TTC6: variants seen among roughly 807,000 people sequenced by gnomAD.
TTC6 encodes the protein tetratricopeptide repeat protein 6.
Under a neutral mutation model 210.4 loss-of-function variants are expected in TTC6, and 172 were observed. The observed-to-expected ratio is 0.82, with a 90% confidence interval of 0.72 to 0.93. TTC6 has a LOEUF of 0.93. TTC6 is among the 40% of genes least tolerant of loss of function. The pLI, the probability that TTC6 is intolerant of heterozygous loss-of-function variation, is 0.00. For synonymous variants in TTC6, 804 were observed against 819.6 expected (o/e 0.98, Z 0.32); for missense variants, 2,414 against 2,318.1 (o/e 1.04, Z -0.85).
At chr14:37,735,995 C>A in exon 8 of TTC6, 1 of 1,528,970 alleles carries the variant, frequency 6.5e-7, no homozygotes, top group Non-Finnish European at 8.8e-7. Context: ...ATCAACATAG[C>A]AGAACAAATT....
intron 7 of TTC6, among the ~76,000 whole-genome samples, chr14:37,730,622 A>G (rs1157087371): frequency 6.6e-6 from 1 of 151,916 alleles, no homozygotes; most frequent in African/African-American, 2.4e-5. Flanking sequence ...TTTCCTTATT[A>G]TATTTTTGAC....
At chr14:37,694,424 A>G (rs866928095) in intron 3 of TTC6, among the ~76,000 whole-genome samples, 1 of 152,212 alleles carries the variant, frequency 6.6e-6, no homozygotes, top group African/African-American at 2.4e-5. Flanking sequence ...ACAGGCAATA[A>G]CAAATGCTGG....
exon 3 of TTC6, chr14:37,682,775 T>C: frequency 6.5e-7 from 1 of 1,535,586 alleles, no homozygotes; most frequent in Non-Finnish European, 8.7e-7. Context: ...ATAAGGAACT[T>C]TCTGAAACCA....
Position 37,652,491 on chromosome 14 carries a change from A to G in TTC6, c.940-27660A>G, listed in dbSNP as rs576010906. Among the ~76,000 whole-genome samples, 3 of 152,290 alleles carry G rather than the reference A, an allele frequency of 2.0e-5. No homozygotes were observed. In the East Asian group the frequency reaches 5.8e-4, roughly 29 times the overall value. ...TTTAATTTTTGTTGTTGCTGTTATT[A>G]TTTTAGTGCTTTATTTTTGTTATAT... is the stretch of plus-strand genomic sequence containing the variant. On this transcript the variant is annotated intron_variant, in intron 1 of 30. Transcript: ENST00000553443.
chr14:37,786,724 G>A (rs563265880), intron 14 of TTC6, among the ~76,000 whole-genome samples: 7 of 152,344 alleles, frequency 4.6e-5, no homozygotes, highest in African/African-American at 1.7e-4. Flanking sequence ...CGCTCACGCG[G>A]GGAGCTGTAG....
intron 3 of TTC6, among the ~76,000 whole-genome samples, chr14:37,692,451 G>C (rs1395626228): frequency 6.6e-6 from 1 of 151,888 alleles, no homozygotes; most frequent in Admixed American, 6.6e-5. Flanking sequence ...AAAACCTTAT[G>C]ATCATTTCAA....
intron 3 of TTC6, among the ~76,000 whole-genome samples, chr14:37,689,074 A>G (rs547775053): frequency 3.3e-5 from 5 of 152,156 alleles, no homozygotes; most frequent in Non-Finnish European, 7.4e-5. Context: ...GATAACACAG[A>G]GAATCAATTC....
chr14:37,802,913 A>G (rs144030822), intron 20 of TTC6, among the ~76,000 whole-genome samples: 2,137 of 151,926 alleles, frequency 0.014, 62 homozygotes, highest in African/African-American at 0.047. Context: ...TTGTGTTTTT[A>G]GTAGAGATGG....
At chr14:37,797,083 TTC>T in intron 20 of TTC6, 136 bp downstream of exon 22, 1 of 862,098 alleles carries the variant, frequency 1.2e-6, no homozygotes, top group Non-Finnish European at 1.6e-6. Context: ...TTGGGTTATT[TTC>T]TCTCTTTTTT....
intron 1 of TTC6, among the ~76,000 whole-genome samples, chr14:37,600,067 C>T (rs1291592070): frequency 6.6e-6 from 1 of 152,178 alleles, no homozygotes; most frequent in Non-Finnish European, 1.5e-5. Flanking sequence ...ACCCCTAGGG[C>T]TAGGGGCCTA....
chr14:37,635,981 C>CAAAAAAAAAAAAA (rs71433909), intron 1 of TTC6, among the ~76,000 whole-genome samples: 10 of 70,328 alleles, frequency 1.4e-4, no homozygotes, highest in Non-Finnish European at 1.5e-4. Flanking sequence ...ATTCCATTTC[C>CAAAAAAAAAAAAA]AAAAAAAAAA....
intron 15 of TTC6, among the ~76,000 whole-genome samples, chr14:37,788,956 T>A (rs1452003583): frequency 1.3e-5 from 2 of 152,074 alleles, no homozygotes; most frequent in African/African-American, 2.4e-5. Context: ...CTTATACAAG[T>A]TTTGGGCTTC....
intron 14 of TTC6, among the ~76,000 whole-genome samples, chr14:37,764,957 AC>A (rs1174910367): frequency 2.0e-5 from 3 of 150,826 alleles, no homozygotes; most frequent in African/African-American, 7.3e-5. Context: ...ATTTTTTTCT[AC>A]CATTTTGATT....
At chr14:37,750,625 G>A (rs1005415154) in intron 12 of TTC6, among the ~76,000 whole-genome samples, 5 of 152,146 alleles carry the variant, frequency 3.3e-5, no homozygotes, top group East Asian at 1.9e-4. Flanking sequence ...AGTGGCTTAC[G>A]CCTGTAATCC....
At chr14:37,734,307 A>T (rs1349068421) in intron 7 of TTC6, among the ~76,000 whole-genome samples, 3 of 152,144 alleles carry the variant, frequency 2.0e-5, no homozygotes, top group Non-Finnish European at 2.9e-5. Context: ...TATAATTGGG[A>T]TGTATTATCA....
chr14:37,800,041 G>A (rs1369030601), intron 20 of TTC6, among the ~76,000 whole-genome samples: 2 of 152,108 alleles, frequency 1.3e-5, no homozygotes, highest in Non-Finnish European at 2.9e-5. Context: ...AAATAATACA[G>A]ATGCAGTGTT....
intron 20 of TTC6, among the ~76,000 whole-genome samples, chr14:37,799,400 C>G (rs2096100643): frequency 6.6e-6 from 1 of 152,166 alleles, no homozygotes; most frequent in Non-Finnish European, 1.5e-5. Flanking sequence ...TTCATTTCCT[C>G]ACTTTCCACT....
intron 1 of TTC6, among the ~76,000 whole-genome samples, chr14:37,637,221 A>C (rs2095682671): frequency 6.6e-6 from 1 of 152,240 alleles, no homozygotes; most frequent in Non-Finnish European, 1.5e-5. Context: ...ACTTTCAGAC[A>C]AAAACATAGA....
chr14:37,791,365 G>A (rs1002664525), intron 16 of TTC6, among the ~76,000 whole-genome samples: 2 of 152,114 alleles, frequency 1.3e-5, no homozygotes, highest in African/African-American at 4.8e-5. Flanking sequence ...AAATGCACTA[G>A]TCAGAAAGTC....
Sources: allele counts gnomAD v4.1 joint callset (sites outside exome capture counted in the v4.1 genomes callset), GRCh38; gene constraint gnomAD v4.1.1; transcripts MANE v1.5; gene names NCBI Gene and HGNC (gene_info 2026-07-23, HGNC 2026-07-21).